The following DAAM2 variants were observed in gnomAD, a reference collection of about 807,000 sequenced individuals.
DAAM2 encodes the protein dishevelled associated activator of morphogenesis 2.
A neutral mutation model predicts 120.7 loss-of-function variants in DAAM2; 39 were observed. The observed-to-expected ratio is 0.32, with a 90% CI of 0.25 to 0.42. The LOEUF (loss-of-function observed/expected upper bound fraction) is 0.42. Ranked by LOEUF, DAAM2 falls within the 10% of genes least tolerant of loss-of-function variation. The pLI is 1.00. For missense variants in DAAM2, 1,283 were observed against 1,401.7 expected, an observed-to-expected ratio of 0.92 and a Z score of 1.35; for synonymous variants, 488 against 524.9, an observed-to-expected ratio of 0.93 and a Z score of 0.96.
chr6:39,891,584 G>A (rs1244940209), intron 18 of DAAM2, 50 bp from the exon 19 acceptor site: 2 of 1,565,034 alleles, frequency 1.3e-6, no homozygotes, highest in Admixed American at 1.8e-5. Context: ...AGCTGGGGCT[G>A]GCCAGGATAG....
chr6:39,864,993 A>T lies in DAAM2; in HGVS notation c.347A>T (p.Tyr116Phe). 1.2e-6 allele frequency: 2 copies of T among 1,604,644 alleles called. No individual in the cohort carries two copies. Among genetic ancestry groups the T allele is most frequent in the Non-Finnish European group, 1.7e-6 (2 of 1,175,936 alleles). The change falls in exon 5 of 25, where the codon TAC becomes TTC. Residue 116 changes from tyrosine to phenylalanine, a missense_variant. By Grantham distance (22) the Tyr-to-Phe change is conservative (BLOSUM62 3). Around this residue, in one of 3 missense-constraint regions of DAAM2, gnomAD observed 197 missense variants for 189.3 expected, o/e 1.04. Transcript: ENST00000274867. The part of the protein sequence containing the change: ...INSMAAMQSL[Y>F]AFDEEETEMR... ...GCTGGCCCTCAGATGCAGAGTCTGT[A>T]CGCGTTTGATGAGGAGGAGACGGAG... is the stretch of plus-strand genomic sequence containing the variant.
intron 1 of DAAM2, among the ~76,000 whole-genome samples, chr6:39,811,760 AGGGGATGTTGGCG>A (rs1229878183): frequency 1.3e-5 from 2 of 152,102 alleles, no homozygotes; most frequent in Non-Finnish European, 2.9e-5. Flanking sequence ...AGCTCTTGGC[AGGGGATGTTGGCG>A]GGGGGATCTG....
At chr6:39,843,191 G>T (rs985101799) in intron 1 of DAAM2, among the ~76,000 whole-genome samples, 1 of 152,124 alleles carries the variant, frequency 6.6e-6, no homozygotes, top group Admixed American at 6.6e-5. Context: ...GAGCACTGCG[G>T]GGGGAGTTGG....
At chr6:39,840,229 A>AAAACAAACAAAC (rs113463795) in intron 1 of DAAM2, among the ~76,000 whole-genome samples, 78 of 152,130 alleles carry the variant, frequency 5.1e-4, no homozygotes, top group African/African-American at 1.8e-3. Flanking sequence ...AATGTCTCAA[A>AAAACAAACAAAC]AAACAAACAA....
chr6:39,880,561 A>G (rs1765072241), intron 14 of DAAM2, among the ~76,000 whole-genome samples: 1 of 152,222 alleles, frequency 6.6e-6, no homozygotes, highest in African/African-American at 2.4e-5. Context: ...AGAAACCCCT[A>G]GAGAGCCTGA....
At position 39,879,350 on chromosome 6, in the gene DAAM2, C is replaced by A. The variant is rs199956358; in HGVS notation, c.1718C>A (p.Pro573His). Residue 573 changes from proline to histidine, a missense_variant, in exon 14 of 25, where the codon CCT (proline) becomes CAT (histidine). Coordinates refer to ENST00000274867, the MANE Select transcript of DAAM2 (RefSeq NM_001201427.2). The stretch of plus-strand genomic sequence containing the variant: ...CCCCCGACTCCCCCAGGTGCCCCAC[C>A]TTGCCTCGGCATGGGCCTGCCCCTC... Reference protein sequence around the residue: ...GGPPTPPGAPPCLGMGLPLPQ... With the variant: ...GGPPTPPGAPHCLGMGLPLPQ... 3 of 1,611,710 alleles carry A rather than the reference C, an allele frequency of 1.9e-6. No individual in the cohort carries two copies. The highest frequency in any genetic ancestry group is 2.5e-6 in the Non-Finnish European group (3 of 1,178,512).
At chr6:39,871,820 C>T (rs996069273) in intron 9 of DAAM2, among the ~76,000 whole-genome samples, 2 of 152,158 alleles carry the variant, frequency 1.3e-5, no homozygotes, top group African/African-American at 2.4e-5. Flanking sequence ...ACTATGGAGA[C>T]TGAGAAGTCC....
intron 1 of DAAM2, among the ~76,000 whole-genome samples, chr6:39,795,088 G>A (rs1761661504): frequency 6.6e-6 from 1 of 152,184 alleles, no homozygotes; most frequent in South Asian, 2.1e-4. Context: ...TGGCCGGGAT[G>A]AATTCCCAGG....
Position 39,867,670 on chromosome 6 carries a change from C to T in DAAM2, c.589C>T (p.Gln197Ter). The change falls in exon 6 of 25, where the codon CAG becomes TAG. Residue 197 changes from glutamine to a stop codon, truncating the protein, a stop_gained. Transcript: ENST00000274867. LOFTEE classifies it high-confidence loss of function. ...NSQGRAHVLA[Q>*]PEAISTIAQS... ...CCAGGGGCGGGCACATGTGCTGGCA[C>T]AGCCTGAGGCCATTAGTACCATAGC... The T allele has an allele frequency of 1.2e-6, 2 of 1,614,054 alleles. No individual in the cohort carries two copies. Among genetic ancestry groups the T allele is most frequent in the Non-Finnish European group, 1.7e-6 (2 of 1,179,904 alleles).
At chr6:39,794,050 C>G (rs767495661) in intron 1 of DAAM2, among the ~76,000 whole-genome samples, 37 of 152,064 alleles carry the variant, frequency 2.4e-4, no homozygotes, top group Admixed American at 5.2e-4. Context: ...AAATTGAACC[C>G]CAGGGAAGCT....
Position 39,891,665 on chromosome 6 carries a change from C to G in DAAM2, c.2284C>G (p.Leu762Val). 2 of 1,611,430 alleles carry G rather than the reference C, an allele frequency of 1.2e-6. No individual in the cohort carries two copies. Among genetic ancestry groups the G allele is most frequent in the South Asian group, 2.2e-5 (2 of 90,370 alleles). The change falls in exon 19 of 25, where the codon CTC becomes GTC. Residue 762 changes from leucine (L) to valine (V), a missense_variant. Around this residue, in one of 3 missense-constraint regions of DAAM2, gnomAD observed 748 missense variants for 768.6 expected, o/e 0.97. Transcript: ENST00000274867. ...CCACTACCAGCAGCGACTGCAAGCC[C>G]TCTTCTTCAAGAAGAAATTCCAGGA... ...IDHYQQRLQA[L>V]FFKKKFQERL... is the part of the protein sequence containing the mutation.
intron 14 of DAAM2, among the ~76,000 whole-genome samples, chr6:39,880,533 A>G (rs570640665): frequency 5.9e-5 from 9 of 152,362 alleles, no homozygotes; most frequent in African/African-American, 2.2e-4. Context: ...GATCTGCCAA[A>G]TTAGGAAGCA....
intron 1 of DAAM2, among the ~76,000 whole-genome samples, chr6:39,828,581 T>TTTTTTTTTTTTTTTTA (rs1372409752): frequency 6.6e-6 from 1 of 151,384 alleles, no homozygotes; most frequent in African/African-American, 2.4e-5. Flanking sequence ...TTTTTTTTTT[T>TTTTTTTTTTTTTTTTA]GAGACGGATT....
rs760991298 is a variant in DAAM2 at position 39,891,433 on chromosome 6, C to G, written c.2238C>G (p.Leu746=). The G allele has an allele frequency of 6.2e-7, 1 of 1,607,524 alleles. No individual in the cohort carries two copies. Among genetic ancestry groups the G allele is most frequent in the Admixed American group, 1.7e-5 (1 of 59,350 alleles). The change falls in exon 18 of 25, where the codon CTC becomes CTG. Residue 746 remains leucine (L), a synonymous_variant. Transcript: ENST00000274867. ...GGATGGCCCGTGCTGACCGCTTCCT[C>G]TATGAAATGAGCAGGTTGGGCCATG... ...IERMARADRF[L]YEMSRIDHYQ...
At chr6:39,839,923 G>A (rs1763257967) in intron 1 of DAAM2, among the ~76,000 whole-genome samples, 1 of 152,148 alleles carries the variant, frequency 6.6e-6, no homozygotes, top group African/African-American at 2.4e-5. Flanking sequence ...AGAAGAATGG[G>A]AGTTTAAGAC....
At chr6:39,794,295 ATTTC>A (rs1761634007) in intron 1 of DAAM2, among the ~76,000 whole-genome samples, 1 of 152,074 alleles carries the variant, frequency 6.6e-6, no homozygotes, top group African/African-American at 2.4e-5. Context: ...TAAATGGTCT[ATTTC>A]TTCATCTGTG....
chr6:39,888,382 C>T (rs1391165717), intron 16 of DAAM2: 1 of 214,810 alleles, frequency 4.7e-6, no homozygotes, highest in African/African-American at 2.3e-5. Context: ...TTTGCCCTGT[C>T]CCTTTGGTCT....
intron 1 of DAAM2, chr6:39,821,659 C>T (rs567784568): frequency 3.3e-5 from 5 of 152,216 alleles, no homozygotes; most frequent in African/African-American, 4.8e-5. Flanking sequence ...CCCACCTTAT[C>T]CTGGTGGTTG....
intron 17 of DAAM2, 68 bp from the exon 18 acceptor site, chr6:39,891,273 T>G (rs1765697481): frequency 7.8e-7 from 1 of 1,276,368 alleles, no homozygotes; most frequent in Non-Finnish European, 1.1e-6. Context: ...CAGTACAGCT[T>G]CTCACACCCT....
Sources: allele counts gnomAD v4.1 joint callset (sites outside exome capture counted in the v4.1 genomes callset), GRCh38; gene constraint gnomAD v4.1.1; regional missense constraint gnomAD v4.1.1; transcripts MANE v1.5; gene names NCBI Gene and HGNC (gene_info 2026-07-23, HGNC 2026-07-21).